The following TNFAIP8 variants were observed in gnomAD, a reference collection of about 807,000 sequenced individuals.
TNFAIP8 encodes the protein tumor necrosis factor alpha-induced protein 8.
TNFAIP8 carries 7 observed loss-of-function variants against 13.3 expected under a neutral mutation model. The ratio of observed to expected loss-of-function variants is 0.52; its 90% CI spans 0.30 to 0.99. The LOEUF (loss-of-function observed/expected upper bound fraction) is 0.99, where lower values mean the gene tolerates loss of function less well. Ranked by LOEUF, TNFAIP8 falls within the 50% of genes least tolerant of loss-of-function variation. TNFAIP8 has a pLI of 0.07. For missense variants in TNFAIP8, 258 were observed against 236.9 expected (o/e 1.09, Z -0.58); for synonymous variants, 94 against 87.6 (o/e 1.07, Z -0.41).
At chr5:119,274,733 G>A (rs1446779527) in intron 1 of TNFAIP8, among the ~76,000 whole-genome samples, 1 of 152,210 alleles carries the variant, frequency 6.6e-6, no homozygotes, top group African/African-American at 2.4e-5. Flanking sequence ...TCACCTCCCT[G>A]GCAGGGAAGC....
At chr5:119,358,069 C>G (rs570191879) in intron 1 of TNFAIP8, among the ~76,000 whole-genome samples, 146 of 150,134 alleles carry the variant, frequency 9.7e-4, no homozygotes, top group African/African-American at 3.4e-3. Flanking sequence ...TCTTCTCTAT[C>G]GTTACTAGTC....
Position 119,379,145 on chromosome 5 carries a change from A to G in TNFAIP8, c.32-13671A>G, listed in dbSNP as rs555668066. Among the ~76,000 whole-genome samples the G allele has an allele frequency of 6.2e-4, 94 of 152,348 alleles. No individual in the cohort carries two copies. In the South Asian group the frequency reaches 9.1e-3, roughly 15 times the overall value. On this transcript the variant is annotated intron_variant, in intron 1 of 1. Transcript: ENST00000504771. The stretch of plus-strand genomic sequence containing the variant: ...TCATGGAGTACAGATAAATTCATTT[A>G]TTAAGCTCTAAATAGAAGAAATTGA...
intron 1 of TNFAIP8, among the ~76,000 whole-genome samples, chr5:119,358,868 TG>T (rs879686397): frequency 6.6e-6 from 1 of 152,038 alleles, no homozygotes; most frequent in African/African-American, 2.4e-5. Context: ...TGTTAAGGGG[TG>T]GGCGAGGTGT....
At chr5:119,299,501 G>A (rs941868268) in intron 1 of TNFAIP8, among the ~76,000 whole-genome samples, 3 of 152,190 alleles carry the variant, frequency 2.0e-5, no homozygotes, top group Non-Finnish European at 4.4e-5. Flanking sequence ...GCCGTGTGAG[G>A]TGTCAGTCTG....
intron 1 of TNFAIP8, among the ~76,000 whole-genome samples, chr5:119,361,471 T>G (rs531740341): frequency 1.3e-5 from 2 of 152,226 alleles, no homozygotes; most frequent in African/African-American, 4.8e-5. Context: ...GGAGTTGTGT[T>G]TATGTGGACT....
intron 1 of TNFAIP8, among the ~76,000 whole-genome samples, chr5:119,327,019 C>G (rs532857688): frequency 5.4e-4 from 82 of 152,290 alleles, no homozygotes; most frequent in Admixed American, 1.5e-3. Context: ...ATAGAGGAGA[C>G]AGAAGTATAT....
In TNFAIP8 at chr5:119,326,530, C is replaced by T. The variant is rs190798776; in HGVS notation, c.1+57623C>T. 2.0e-5 allele frequency among the ~76,000 whole-genome samples: 3 copies of T among 152,260 alleles called. No homozygotes were observed. The East Asian group carries it at 5.8e-4, about 29-fold the overall frequency. On this transcript the variant is annotated intron_variant, in intron 1 of 1. Transcript: ENST00000274456. ...CTATGTTGACTCATGGACTCAGACCCCTGAGCAGCAGGGAAGCATTGCGTG... is the reference window on the plus strand; with the variant it reads ...CTATGTTGACTCATGGACTCAGACCTCTGAGCAGCAGGGAAGCATTGCGTG...
intron 1 of TNFAIP8, among the ~76,000 whole-genome samples, chr5:119,296,842 G>C (rs913021066): frequency 6.6e-6 from 1 of 151,768 alleles, no homozygotes; most frequent in African/African-American, 2.4e-5. Flanking sequence ...ACTTCTTCCT[G>C]GTTTAGTCTT....
At chr5:119,300,709 G>GC (rs1380273218) in intron 1 of TNFAIP8, among the ~76,000 whole-genome samples, 3 of 152,188 alleles carry the variant, frequency 2.0e-5, no homozygotes, top group Non-Finnish European at 2.9e-5. Flanking sequence ...AGATCCAGCA[G>GC]CTAGTCACTG....
At chr5:119,370,412 G>C (rs1273758063) in intron 1 of TNFAIP8, among the ~76,000 whole-genome samples, 1 of 152,154 alleles carries the variant, frequency 6.6e-6, no homozygotes, top group East Asian at 1.9e-4. Flanking sequence ...TAAAATCCCA[G>C]CTTTTCCCAT....
In TNFAIP8 at chr5:119,396,029, A is replaced by G. The variant is rs1210263899; in HGVS notation, c.*2648A>G. 1.3e-5 allele frequency: 2 copies of G among 152,210 alleles called. No homozygotes were observed. The highest frequency in any genetic ancestry group is 4.8e-5 in the African/African-American group (2 of 41,450). The allele number at this position is 152,210 out of a possible 1,614,324, so 9.4% of individuals were successfully genotyped here. A position where few individuals can be genotyped will look rare whatever the true frequency, so the allele number is the denominator to read the frequency against. On this transcript the variant is annotated 3_prime_UTR_variant, in exon 2 of 2. Transcript: ENST00000504771. ...TATTATGTGTCGGGCACATTAACTC[A>G]TTTAATTCTGCCACAATCTTCACCA...
intron 1 of TNFAIP8, among the ~76,000 whole-genome samples, chr5:119,360,340 CT>C (rs1366828574): frequency 6.6e-6 from 1 of 152,184 alleles, no homozygotes; most frequent in Admixed American, 6.5e-5. Flanking sequence ...GCATTTCTGT[CT>C]TTATGCTAGC....
At chr5:119,356,255 A>G in intron 1 of TNFAIP8, 134 bp downstream of exon 1, 1 of 751,720 alleles carries the variant, frequency 1.3e-6, no homozygotes, top group East Asian at 3.4e-5. Flanking sequence ...CTTCGAAGCC[A>G]AGTCGGAGCT....
chr5:119,391,307 A>T, intron 1 of TNFAIP8: 10 of 696,276 alleles, frequency 1.4e-5, no homozygotes, highest in South Asian at 1.2e-4. Context: ...ATTTGTATGT[A>T]TCTGTATTTT....
At chr5:119,300,391 T>G (rs1208634109) in intron 1 of TNFAIP8, among the ~76,000 whole-genome samples, 2 of 152,356 alleles carry the variant, frequency 1.3e-5, no homozygotes, top group African/African-American at 4.8e-5. Flanking sequence ...CAATGAGCTT[T>G]ACTGCTTTAC....
intron 1 of TNFAIP8, chr5:119,306,241 T>TTTCTTTGATCCTTACATTTCC (rs1749553399): frequency 6.6e-6 from 1 of 152,244 alleles, no homozygotes; most frequent in Non-Finnish European, 1.5e-5. Context: ...GAATGTCTTC[T>TTTCTTTGATCCTTACATTTCC]TTCTTTGATC....
At chr5:119,370,947 T>C (rs1562024576) in intron 1 of TNFAIP8, among the ~76,000 whole-genome samples, 1 of 152,256 alleles carries the variant, frequency 6.6e-6, no homozygotes, top group Non-Finnish European at 1.5e-5. Context: ...GCTTGCTTTT[T>C]TGCCTGTATC....
chr5:119,347,254 T>G (rs1233208426), intron 1 of TNFAIP8, among the ~76,000 whole-genome samples: 1 of 152,224 alleles, frequency 6.6e-6, no homozygotes, highest in African/African-American at 2.4e-5. Flanking sequence ...CTCCTTCTCA[T>G]GCTTACTCTG....
intron 1 of TNFAIP8, among the ~76,000 whole-genome samples, chr5:119,341,037 A>G (rs1340576243): frequency 6.6e-6 from 1 of 150,924 alleles, no homozygotes; most frequent in African/African-American, 2.4e-5. Context: ...AAAGCCGTAG[A>G]CACCTTTTAT....
Sources: allele counts gnomAD v4.1 joint callset (sites outside exome capture counted in the v4.1 genomes callset), GRCh38; gene constraint gnomAD v4.1.1; transcripts MANE v1.5; gene names NCBI Gene and HGNC (gene_info 2026-07-23, HGNC 2026-07-21).